Variants in SGPP2 observed in about 807,000 individuals in gnomAD.
SGPP2 encodes the protein sphingosine-1-phosphate phosphatase 2.
A neutral mutation model predicts 33.9 loss-of-function variants in SGPP2; 30 were observed. The observed-to-expected ratio is 0.89, with a 90% confidence interval of 0.66 to 1.20. The LOEUF is 1.20. Ranked by LOEUF, SGPP2 falls within the 50% of genes most tolerant of loss-of-function variation. The pLI, the probability that SGPP2 is intolerant of heterozygous loss-of-function variation, is 0.00. For missense variants in SGPP2, 458 were observed against 532.1 expected, an observed-to-expected ratio of 0.86 and a Z score of 1.37; for synonymous variants, 233 against 225.0, an observed-to-expected ratio of 1.04 and a Z score of -0.32.
At chr2:222,484,703 G>T (rs1042134876) in intron 2 of SGPP2, among the ~76,000 whole-genome samples, 1 of 152,106 alleles carries the variant, frequency 6.6e-6, no homozygotes, top group African/African-American at 2.4e-5. Flanking sequence ...TTTCTCTCTT[G>T]CTGTGGCTAA....
At chr2:222,469,243 G>T (rs1264700712) in intron 1 of SGPP2, among the ~76,000 whole-genome samples, 1 of 152,190 alleles carries the variant, frequency 6.6e-6, no homozygotes, top group South Asian at 2.1e-4. Context: ...GAGTGCAGTG[G>T]CGTGATCTCG....
chr2:222,452,859 T>G, intron 1 of SGPP2: 2 of 1,608,172 alleles, frequency 1.2e-6, no homozygotes, highest in Non-Finnish European at 8.5e-7. Flanking sequence ...CCTCTTAGAT[T>G]TCATTCTCTG....
intron 4 of SGPP2, 24 bp downstream of exon 4, chr2:222,525,057 G>C: frequency 6.4e-7 from 1 of 1,569,850 alleles, no homozygotes; most frequent in Non-Finnish European, 8.7e-7. Context: ...GTCAGGTCTT[G>C]TGGTGATTGT....
intron 1 of SGPP2, among the ~76,000 whole-genome samples, chr2:222,467,473 G>A (rs894158984): frequency 6.6e-6 from 1 of 151,574 alleles, no homozygotes; most frequent in Non-Finnish European, 1.5e-5. Flanking sequence ...AGGTGAGGAA[G>A]CTGAAGCTCA....
intron 1 of SGPP2, among the ~76,000 whole-genome samples, chr2:222,457,306 A>G (rs373954545): frequency 2.6e-5 from 4 of 152,184 alleles, no homozygotes; most frequent in East Asian, 3.9e-4. Flanking sequence ...TAAATTCTTG[A>G]TATTTATTAT....
At chr2:222,478,552 G>C (rs907495755) in intron 2 of SGPP2, among the ~76,000 whole-genome samples, 1 of 152,098 alleles carries the variant, frequency 6.6e-6, no homozygotes, top group Admixed American at 6.6e-5. Context: ...TCTTCAAAGG[G>C]GTAGGGATTA....
chr2:222,496,056 G>A (rs566692513), intron 2 of SGPP2, among the ~76,000 whole-genome samples: 21 of 152,194 alleles, frequency 1.4e-4, no homozygotes, highest in Admixed American at 7.2e-4. Context: ...CTTGGTCTCC[G>A]TGTCACATAG....
intron 3 of SGPP2, among the ~76,000 whole-genome samples, chr2:222,524,456 T>C (rs1268256242): frequency 6.6e-6 from 1 of 152,258 alleles, no homozygotes; most frequent in Non-Finnish European, 1.5e-5. Context: ...TTTTGATATC[T>C]GGACGCAAAT....
intron 2 of SGPP2, among the ~76,000 whole-genome samples, chr2:222,495,783 C>G (rs1236843864): frequency 6.6e-6 from 1 of 152,186 alleles, no homozygotes; most frequent in Non-Finnish European, 1.5e-5. Flanking sequence ...CTCTGTACCC[C>G]CTGGTCAGTC....
intron 2 of SGPP2, among the ~76,000 whole-genome samples, chr2:222,488,936 A>C (rs1406441649): frequency 6.6e-6 from 1 of 152,236 alleles, no homozygotes; most frequent in Non-Finnish European, 1.5e-5. Flanking sequence ...AATGCTTTTC[A>C]AATACATAGC....
chr2:222,535,920 C>T (rs547736023), intron 4 of SGPP2, among the ~76,000 whole-genome samples: 18 of 152,222 alleles, frequency 1.2e-4, no homozygotes, highest in South Asian at 8.3e-4. Flanking sequence ...GCAGGGAGCT[C>T]GATAAAGGCT....
chr2:222,491,672 C>A (rs1698199386), intron 2 of SGPP2, among the ~76,000 whole-genome samples: 2 of 152,106 alleles, frequency 1.3e-5, no homozygotes, highest in South Asian at 4.1e-4. Flanking sequence ...GACACAGAGC[C>A]AAACCATATT....
chr2:222,531,168 A>C (rs1698833449), intron 4 of SGPP2, among the ~76,000 whole-genome samples: 1 of 152,242 alleles, frequency 6.6e-6, no homozygotes, highest in Non-Finnish European at 1.5e-5. Flanking sequence ...AAAGCAAGAG[A>C]ACACAGAGAC....
chr2:222,489,343 G>C (rs866387499), intron 2 of SGPP2, among the ~76,000 whole-genome samples: 7 of 152,040 alleles, frequency 4.6e-5, no homozygotes, highest in Non-Finnish European at 1.0e-4. Context: ...ACAAGGTGAT[G>C]GACTAAAAGT....
At chr2:222,487,137 C>T (rs898211429) in intron 2 of SGPP2, among the ~76,000 whole-genome samples, 15 of 152,272 alleles carry the variant, frequency 9.9e-5, no homozygotes, top group Admixed American at 8.5e-4. Flanking sequence ...GGAGAAGACT[C>T]ATGAGTCTTT....
Position 222,550,257 on chromosome 2 carries a change from CT to C in SGPP2, c.649-8083del, listed in dbSNP as rs1159253056. 6.6e-6 allele frequency among the ~76,000 whole-genome samples: 1 copy of C among 152,018 alleles called. No individual in the cohort carries two copies. Among genetic ancestry groups the C allele is most frequent in the Non-Finnish European group, 1.5e-5 (1 of 67,998 alleles). Reference sequence around the variant, plus strand: ...ATCATATAGATTCTTAGGGATATTTCTTTTTTTGGCATGATGTGAAAATTAT... The same window carrying C: ...ATCATATAGATTCTTAGGGATATTTCTTTTTTGGCATGATGTGAAAATTAT... On this transcript the variant is annotated intron_variant, in intron 4 of 4. Coordinates refer to ENST00000321276, the MANE Select transcript of SGPP2 (RefSeq NM_152386.4). The surrounding 1 kb of genome is among the most constrained non-coding windows in gnomAD (Gnocchi z 4.5).
intron 2 of SGPP2, among the ~76,000 whole-genome samples, chr2:222,484,878 A>G (rs114672199): frequency 0.015 from 2,278 of 152,348 alleles, 74 homozygotes; most frequent in African/African-American, 0.052. Flanking sequence ...ACTTTCAGAT[A>G]AAATTTTCAA....
chr2:222,476,652 C>A lies in SGPP2; in HGVS notation c.378+1926C>A, dbSNP rs1697936984. Among the ~76,000 whole-genome samples the A allele has an allele frequency of 6.6e-6, 1 of 151,784 alleles. No homozygotes were observed. Among genetic ancestry groups the A allele is most frequent in the Non-Finnish European group, 1.5e-5 (1 of 67,910 alleles). ...TTGGAAAACCTATGGGCTTGAGTTT[C>A]TTTCCTACTGTCGTTTATTTTCTAA... is the stretch of plus-strand genomic sequence containing the variant. On this transcript the variant is annotated intron_variant, in intron 2 of 4. Coordinates refer to ENST00000321276, the MANE Select transcript of SGPP2 (RefSeq NM_152386.4). This position sits in a 1 kb window ranked among gnomAD's most constrained non-coding sequence, Gnocchi z 4.3.
intron 1 of SGPP2, among the ~76,000 whole-genome samples, chr2:222,472,841 C>T (rs1697866754): frequency 6.6e-6 from 1 of 152,042 alleles, no homozygotes; most frequent in South Asian, 2.1e-4. Flanking sequence ...TTGGCGAAAC[C>T]CCGTCTCTCT....
Sources: gnomAD v4.1 joint callset for allele counts (sites outside exome capture counted in the v4.1 genomes callset) on GRCh38, gnomAD v4.1.1 for gene constraint, Gnocchi (gnomAD v3.1) non-coding constraint, MANE v1.5 for transcripts, NCBI Gene and HGNC (gene_info 2026-07-23, HGNC 2026-07-21) for gene names.